Variants in RBFOX1 observed in about 807,000 individuals in gnomAD.
RBFOX1 encodes the protein RNA binding fox-1 homolog 1.
In RBFOX1, 8 loss-of-function variants were observed where a neutral mutation model predicts 57.7. The ratio of observed to expected loss-of-function variants is 0.14; its 90% CI spans 0.08 to 0.25. The LOEUF (loss-of-function observed/expected upper bound fraction) is 0.25, where lower values mean the gene tolerates loss of function less well. Among genes scored for constraint, RBFOX1 ranks in the 10% least tolerant of loss-of-function variants. The probability of loss-of-function intolerance (pLI) is 1.00; values close to 1 mark genes in which losing one functional copy is unlikely to be tolerated. For missense variants in RBFOX1, 611 were observed against 548.5 expected, an observed-to-expected ratio of 1.11 and a Z score of -1.14; for synonymous variants, 326 against 222.4, an observed-to-expected ratio of 1.47 and a Z score of -4.15.
At chr16:5,378,472 G>C (rs1007765115) in intron 1 of RBFOX1, among the ~76,000 whole-genome samples, 3 of 151,438 alleles carry the variant, frequency 2.0e-5, no homozygotes, top group African/African-American at 7.4e-5. Context: ...CTTTGCTAGG[G>C]GCACCCTAGC....
At chr16:6,911,071 G>A (rs1020499248) in intron 3 of RBFOX1, among the ~76,000 whole-genome samples, 2 of 151,856 alleles carry the variant, frequency 1.3e-5, no homozygotes, top group African/African-American at 4.8e-5. Context: ...CGTGGTGGCA[G>A]GCACCTGTAA....
intron 4 of RBFOX1, among the ~76,000 whole-genome samples, chr16:7,170,249 C>G (rs1038307829): frequency 1.3e-5 from 2 of 152,184 alleles, no homozygotes; most frequent in East Asian, 1.9e-4. Flanking sequence ...AACAATTTAT[C>G]CTCCTGCTCC....
chr16:6,835,103 G>C (rs527303615), intron 3 of RBFOX1, among the ~76,000 whole-genome samples: 16 of 151,970 alleles, frequency 1.1e-4, no homozygotes, highest in Non-Finnish European at 1.9e-4. Flanking sequence ...CAGGATGTTA[G>C]TGTTAGCCAG....
chr16:7,217,506 T>C (rs1253191150), intron 4 of RBFOX1, among the ~76,000 whole-genome samples: 2 of 152,030 alleles, frequency 1.3e-5, no homozygotes, highest in East Asian at 3.9e-4. Context: ...TTCGGGAGTC[T>C]GCTGTCCTCT....
chr16:6,615,532 A>G (rs992578495), intron 2 of RBFOX1, among the ~76,000 whole-genome samples: 1 of 152,034 alleles, frequency 6.6e-6, no homozygotes, highest in South Asian at 2.1e-4. Flanking sequence ...ATCGCACCAC[A>G]TCTCTCCATC....
intron 4 of RBFOX1, among the ~76,000 whole-genome samples, chr16:7,490,575 A>C (rs2066664929): frequency 6.6e-6 from 1 of 152,242 alleles, no homozygotes; most frequent in South Asian, 2.1e-4. Flanking sequence ...AATAAATTCA[A>C]CTGTGACTTG....
chr16:7,406,880 C>G (rs1354388072), intron 4 of RBFOX1, among the ~76,000 whole-genome samples: 1 of 152,138 alleles, frequency 6.6e-6, no homozygotes, highest in Non-Finnish European at 1.5e-5. Context: ...CTAGAGGCCA[C>G]CTGCTTTCCT....
intron 3 of RBFOX1, among the ~76,000 whole-genome samples, chr16:5,849,838 C>G (rs962242662): frequency 6.6e-6 from 1 of 152,134 alleles, no homozygotes; most frequent in African/African-American, 2.4e-5. Context: ...AAGAAGTATT[C>G]TTTTCCCAAG....
intron 1 of RBFOX1, among the ~76,000 whole-genome samples, chr16:6,238,202 A>G (rs1420846950): frequency 6.6e-6 from 1 of 152,106 alleles, no homozygotes; most frequent in African/African-American, 2.4e-5. Flanking sequence ...TTGCTATTAC[A>G]GTGATGGCAT....
At chr16:5,835,917 A>C (rs529316543) in intron 3 of RBFOX1, among the ~76,000 whole-genome samples, 206 of 152,042 alleles carry the variant, frequency 1.4e-3, no homozygotes, top group Non-Finnish European at 2.1e-3. Flanking sequence ...TGCTCCTTGC[A>C]CCCGCCGCCC....
chr16:6,865,977 G>GA (rs1418142321), intron 3 of RBFOX1, among the ~76,000 whole-genome samples: 10 of 151,968 alleles, frequency 6.6e-5, no homozygotes, highest in Admixed American at 6.6e-4. Flanking sequence ...GAAATGCATT[G>GA]AAAAAAACAA....
At chr16:6,990,736 A>G (rs1326329327) in intron 3 of RBFOX1, among the ~76,000 whole-genome samples, 4 of 152,166 alleles carry the variant, frequency 2.6e-5, no homozygotes, top group South Asian at 2.1e-4. Flanking sequence ...TCTTAAGCTT[A>G]CTGGTCTTCC....
At chr16:6,239,447 C>T (rs1022116214) in intron 1 of RBFOX1, among the ~76,000 whole-genome samples, 2 of 149,374 alleles carry the variant, frequency 1.3e-5, no homozygotes, top group African/African-American at 4.9e-5. Context: ...TAATGGAGTC[C>T]CACCTGTTAA....
intron 1 of RBFOX1, among the ~76,000 whole-genome samples, chr16:6,077,211 C>T (rs1392079873): frequency 3.9e-5 from 6 of 152,136 alleles, no homozygotes; most frequent in Admixed American, 6.5e-5. Context: ...GCCCCTGCCA[C>T]GGTTCTCTGC....
intron 3 of RBFOX1, among the ~76,000 whole-genome samples, chr16:5,650,166 C>G (rs1335661183): frequency 6.6e-6 from 1 of 152,220 alleles, no homozygotes; most frequent in African/African-American, 2.4e-5. Flanking sequence ...ACCCCCAACT[C>G]CTGGTGAAAT....
At chr16:5,335,673 CG>C (rs1269608098) in intron 1 of RBFOX1, among the ~76,000 whole-genome samples, 1 of 151,922 alleles carries the variant, frequency 6.6e-6, no homozygotes, top group Non-Finnish European at 1.5e-5. Flanking sequence ...TGGAGTGGCA[CG>C]GTGTGGGGGT....
At chr16:5,460,429 C>G (rs892743330) in intron 1 of RBFOX1, among the ~76,000 whole-genome samples, 3 of 152,150 alleles carry the variant, frequency 2.0e-5, no homozygotes, top group African/African-American at 7.2e-5. Context: ...TTGTAAGTTT[C>G]CTTTGAATAA....
Position 7,007,926 on chromosome 16 carries a change from C to T in RBFOX1, c.-15-44131C>T, listed in dbSNP as rs190570297. ...CCTCAAGCTTGCTAGCTGGGGCCTC[C>T]TAGTACAACAGGTGCCGTGAGAAAC... On this transcript the variant is annotated intron_variant, in intron 3 of 15. Coordinates refer to ENST00000550418, the MANE Select transcript of RBFOX1 (RefSeq NM_018723.4). Among the ~76,000 whole-genome samples, 274 of 152,250 alleles carry T rather than the reference C, an allele frequency of 1.8e-3. 1 individual carries two copies. Among genetic ancestry groups the T allele is most frequent in the African/African-American group, 6.1e-3 (255 of 41,552 alleles).
intron 3 of RBFOX1, among the ~76,000 whole-genome samples, chr16:6,725,600 T>A (rs2067006719): frequency 6.6e-6 from 1 of 152,154 alleles, no homozygotes; most frequent in Admixed American, 6.5e-5. Context: ...TATCCAACCA[T>A]CAGCTCTTGG....
Sources: allele counts gnomAD v4.1 joint callset (sites outside exome capture counted in the v4.1 genomes callset), GRCh38; gene constraint gnomAD v4.1.1; transcripts MANE v1.5; gene names NCBI Gene and HGNC (gene_info 2026-07-23, HGNC 2026-07-21).